Variants in MICALL1 observed in about 807,000 individuals in gnomAD.
The protein encoded by MICALL1 is MICAL-like protein 1.
In MICALL1, 61 loss-of-function variants were observed where a neutral mutation model predicts 83.7. That is an observed-to-expected ratio of 0.73 (90% CI 0.59 to 0.90). MICALL1 has a LOEUF of 0.90. MICALL1 is among the 40% of genes least tolerant of loss of function. The probability of loss-of-function intolerance (pLI) is 0.00; values close to 1 mark genes in which losing one functional copy is unlikely to be tolerated. For synonymous variants in MICALL1, 481 were observed against 473.6 expected (o/e 1.02, Z -0.20); for missense variants, 1,066 against 1,152.0 (o/e 0.93, Z 1.08).
At chr22:37,929,059 G>A (rs1157233505) in intron 9 of MICALL1, among the ~76,000 whole-genome samples, 2 of 152,062 alleles carry the variant, frequency 1.3e-5, no homozygotes, top group East Asian at 1.9e-4. Context: ...GGAGGTGGAG[G>A]TTGTAGTGAG....
At chr22:37,915,555 A>G (rs576505583) in intron 3 of MICALL1, among the ~76,000 whole-genome samples, 5 of 152,072 alleles carry the variant, frequency 3.3e-5, no homozygotes, top group Non-Finnish European at 5.9e-5. Flanking sequence ...TGCAGTGAGG[A>G]TAGGAATAAC....
At chr22:37,928,745 C>G (rs891396686) in intron 9 of MICALL1, among the ~76,000 whole-genome samples, 4 of 152,162 alleles carry the variant, frequency 2.6e-5, no homozygotes, top group Non-Finnish European at 5.9e-5. Context: ...TTCCACTCAC[C>G]AGCCACCAGT....
chr22:37,932,965 A>G lies in MICALL1; in HGVS notation c.2235-74A>G. 6.2e-7 allele frequency: 1 copy of G among 1,611,142 alleles called. No individual in the cohort carries two copies. On this transcript the variant is annotated intron_variant, in intron 12 of 15. Transcript: ENST00000215957. This position sits in a 1 kb window ranked among gnomAD's most constrained non-coding sequence, Gnocchi z 4.4. ...TGGAGAACCCTTACCCTCTTCCCTC[A>G]TCAGTAACAGCGCAGGGCAGGGCAG...
At position 37,937,735 on chromosome 22, in the gene MICALL1, G is replaced by A; in HGVS notation, c.2424-11G>A. The A allele has an allele frequency of 6.2e-7, 1 of 1,612,904 alleles. No individual in the cohort carries two copies. The highest frequency in any genetic ancestry group is 8.5e-7 in the Non-Finnish European group (1 of 1,179,298). On this transcript the variant is annotated splice_polypyrimidine_tract_variant and intron_variant, in intron 14 of 15. Coordinates refer to ENST00000215957, the MANE Select transcript of MICALL1 (RefSeq NM_033386.4). ...CACCACGCCCAGCTTAACTGCTGCT[G>A]CTTATTTCAGGGAGGAAGAGGAAGA...
intron 13 of MICALL1, 89 bp from the exon 14 acceptor site, chr22:37,936,991 C>T (rs1344571631): frequency 3.7e-6 from 4 of 1,089,768 alleles, no homozygotes; most frequent in African/African-American, 1.6e-5. Flanking sequence ...TGGGGCTGGC[C>T]TGCCGCACTT....
At chr22:37,931,574 C>G (rs1383179695) in intron 9 of MICALL1, among the ~76,000 whole-genome samples, 2 of 152,028 alleles carry the variant, frequency 1.3e-5, no homozygotes, top group Non-Finnish European at 2.9e-5. Context: ...TAAAAAGTAT[C>G]CAGTGCAGTA....
Position 37,927,838 on chromosome 22 carries a change from C to G in MICALL1, c.1881+12C>G. ...AGCTGCAGGTAAAGGTGAGTGCCCC[C>G]TCACCCTCACTAAAAGTGACATCCT... On this transcript the variant is annotated intron_variant, in intron 9 of 15. Coordinates refer to ENST00000215957, the MANE Select transcript of MICALL1 (RefSeq NM_033386.4). 2 of 1,587,560 alleles carry G rather than the reference C, an allele frequency of 1.3e-6. No homozygotes were observed. The highest frequency in any genetic ancestry group is 2.7e-5 in the African/African-American group (2 of 74,406).
intron 4 of MICALL1, 94 bp from the exon 5 acceptor site, chr22:37,918,942 G>T: frequency 2.2e-6 from 3 of 1,383,062 alleles, no homozygotes; most frequent in Non-Finnish European, 2.9e-6. Flanking sequence ...CTTGAGTGAC[G>T]GTGGCCGTTG....
At chr22:37,922,796 G>GTTTTTTTTTTTTTTTTTTTT (rs574266914) in intron 6 of MICALL1, among the ~76,000 whole-genome samples, 1 of 69,194 alleles carries the variant, frequency 1.4e-5, no homozygotes, top group Non-Finnish European at 2.8e-5. Context: ...GTTTTTTTTT[G>GTTTTTTTTTTTTTTTTTTTT]TTTTTTTTTT....
At position 37,932,981 on chromosome 22, in the gene MICALL1, G is replaced by A. The variant is rs1929883407; in HGVS notation, c.2235-58G>A. The stretch of plus-strand genomic sequence containing the variant: ...TCTTCCCTCATCAGTAACAGCGCAG[G>A]GCAGGGCAGCCGGGGCTCGGGCAGA... On this transcript the variant is annotated intron_variant, in intron 12 of 15. Transcript: ENST00000215957. This position sits in a 1 kb window ranked among gnomAD's most constrained non-coding sequence, Gnocchi z 4.4. 1.2e-6 allele frequency: 2 copies of A among 1,612,588 alleles called. No homozygotes were observed. Among genetic ancestry groups the A allele is most frequent in the Admixed American group, 1.7e-5 (1 of 59,980 alleles).
In MICALL1 at chr22:37,937,300, G is replaced by A. The variant is rs1601838010; in HGVS notation, c.2423+106G>A. 5 of 954,296 alleles carry A rather than the reference G, an allele frequency of 5.2e-6. No individual in the cohort carries two copies. In the East Asian group the frequency reaches 7.9e-5, roughly 15 times the overall value. The allele number at this position is 954,296 out of a possible 1,614,324, so 59.1% of individuals were successfully genotyped here. A position where few individuals can be genotyped will look rare whatever the true frequency, so the allele number is the denominator to read the frequency against. ...CTGGAGAGCCAAAGACACAGTCCAC[G>A]CCTCAGGCCAGGCCAGCCCTGCCCT... On this transcript the variant is annotated intron_variant, in intron 14 of 15. Transcript: ENST00000215957.
In MICALL1 at chr22:37,932,942, G is replaced by A; in HGVS notation, c.2234+54G>A. On this transcript the variant is annotated intron_variant, in intron 12 of 15. Transcript: ENST00000215957. This position sits in a 1 kb window ranked among gnomAD's most constrained non-coding sequence, Gnocchi z 4.4. ...CCTGGAATCCGTAGAGCTTAGAATG[G>A]AGAACCCTTACCCTCTTCCCTCATC... 1.2e-6 allele frequency: 2 copies of A among 1,612,592 alleles called. No individual in the cohort carries two copies. The highest frequency in any genetic ancestry group is 8.5e-7 in the Non-Finnish European group (1 of 1,178,692).
chr22:37,940,933 A>G lies in MICALL1; in HGVS notation c.*103A>G. 6.8e-7 allele frequency: 1 copy of G among 1,459,912 alleles called. No homozygotes were observed. Among genetic ancestry groups the G allele is most frequent in the South Asian group, 1.3e-5 (1 of 79,382 alleles). The allele number at this position is 1,459,912 out of a possible 1,614,324, so 90.4% of individuals were successfully genotyped here. A position where few individuals can be genotyped will look rare whatever the true frequency, so the allele number is the denominator to read the frequency against. On this transcript the variant is annotated 3_prime_UTR_variant, in exon 16 of 16. Coordinates refer to ENST00000215957, the MANE Select transcript of MICALL1 (RefSeq NM_033386.4). The stretch of plus-strand genomic sequence containing the variant: ...GCTCCCCTCAGATCAGTCAGGAGGA[A>G]GATGACTAAGGGGAGGGATCCTCTG...
At chr22:37,915,032 T>G (rs1385290396) in intron 3 of MICALL1, among the ~76,000 whole-genome samples, 1 of 151,652 alleles carries the variant, frequency 6.6e-6, no homozygotes, top group African/African-American at 2.4e-5. Context: ...CCGAGGCAGG[T>G]GGATTGCTGT....
chr22:37,918,171 A>G (rs5995518), intron 4 of MICALL1, among the ~76,000 whole-genome samples: 55,027 of 152,136 alleles, frequency 0.36, 10,394 homozygotes, highest in Non-Finnish European at 0.41. Flanking sequence ...CTGTGGAGAC[A>G]GCTGTAAACT....
Position 37,925,750 on chromosome 22 carries a change from GC to G in MICALL1, c.1175del (p.Pro392ArgfsTer175). The part of the protein sequence containing the change: ...KKPAPLPPSS[S>X]PGPPSQDSRQ... ...CCAGCCCCACTTCCCCCAAGCAGCA[GC>G]CCGGGGCCACCAAGCCAGGACAGCA... is the stretch of plus-strand genomic sequence containing the variant. On this transcript the variant is annotated frameshift_variant, in exon 8 of 16. Coordinates refer to ENST00000215957, the MANE Select transcript of MICALL1 (RefSeq NM_033386.4). LOFTEE classifies it high-confidence loss of function. 6.2e-7 allele frequency: 1 copy of G among 1,612,570 alleles called. No individual in the cohort carries two copies. Among genetic ancestry groups the G allele is most frequent in the Non-Finnish European group, 8.5e-7 (1 of 1,179,848 alleles).
At position 37,939,773 on chromosome 22, in the gene MICALL1, CAAAAAA is replaced by C. The variant is rs147934175; in HGVS notation, c.2471-917_2471-912del. Among the ~76,000 whole-genome samples the C allele has an allele frequency of 2.5e-4, 11 of 44,454 alleles. 1 individual carries two copies. The South Asian group carries it at 7.7e-3, about 31-fold the overall frequency. The allele number at this position is 44,454 out of a possible 152,430, so 29.2% of individuals were successfully genotyped here. A position where few individuals can be genotyped will look rare whatever the true frequency, so the allele number is the denominator to read the frequency against. ...TGGGCGACAGCACAAGTCTCCGTCT[CAAAAAA>C]AAAAAAAAAAAAAAAAAAGATAAGT... is the stretch of plus-strand genomic sequence containing the variant. On this transcript the variant is annotated intron_variant, in intron 15 of 15. Transcript: ENST00000215957.
At chr22:37,914,247 A>G (rs965591676) in intron 3 of MICALL1, among the ~76,000 whole-genome samples, 3 of 144,938 alleles carry the variant, frequency 2.1e-5, no homozygotes, top group Non-Finnish European at 4.5e-5. Flanking sequence ...TTTTTTTGAA[A>G]TGGAGTTTCA....
In MICALL1 at chr22:37,931,787, C is replaced by T. The variant is rs767659337; in HGVS notation, c.1882-12C>T. The T allele has an allele frequency of 1.1e-5, 18 of 1,613,886 alleles. No homozygotes were observed. Among genetic ancestry groups the T allele is most frequent in the Non-Finnish European group, 1.5e-5 (18 of 1,179,950 alleles). ...CCCAGGCTCACCCTCTGTCATGTCT[C>T]CTTCCCTTTAGTCCTCCTGCAAGGA... On this transcript the variant is annotated splice_polypyrimidine_tract_variant and intron_variant, in intron 9 of 15. Coordinates refer to ENST00000215957, the MANE Select transcript of MICALL1 (RefSeq NM_033386.4).
Sources: gnomAD v4.1 joint callset for allele counts (sites outside exome capture counted in the v4.1 genomes callset) on GRCh38, gnomAD v4.1.1 for gene constraint, Gnocchi (gnomAD v3.1) non-coding constraint, MANE v1.5 for transcripts, NCBI Gene and HGNC (gene_info 2026-07-23, HGNC 2026-07-21) for gene names.